The following LRBA variants were observed in gnomAD, a reference collection of about 807,000 sequenced individuals.
LRBA encodes lipopolysaccharide-responsive and beige-like anchor protein.
In LRBA, 176 loss-of-function variants were observed where a neutral mutation model predicts 330.0. The ratio of observed to expected loss-of-function variants is 0.53; its 90% CI spans 0.47 to 0.60. LRBA has a LOEUF of 0.60. LRBA is among the 20% of genes least tolerant of loss of function. The pLI is 0.00. For synonymous variants in LRBA, 1,230 were observed against 1,193.0 expected, an observed-to-expected ratio of 1.03 and a Z score of -0.64; for missense variants, 3,259 against 3,444.8, an observed-to-expected ratio of 0.95 and a Z score of 1.35.
chr4:150,784,277 C>T (rs766780094), intron 34 of LRBA, among the ~76,000 whole-genome samples: 4 of 152,132 alleles, frequency 2.6e-5, no homozygotes, highest in Admixed American at 2.6e-4. Flanking sequence ...AAGGGGTCCT[C>T]GGGAAGTTTT....
chr4:150,916,803 T>C (rs1295209681), intron 5 of LRBA, 65 bp from the exon 6 acceptor site: 16 of 1,308,082 alleles, frequency 1.2e-5, no homozygotes, highest in Non-Finnish European at 1.7e-5. Context: ...ATCATGAAAA[T>C]AAGACTTTGC....
chr4:150,940,239 TAAA>T (rs11455731), intron 2 of LRBA, among the ~76,000 whole-genome samples: 1 of 142,438 alleles, frequency 7.0e-6, no homozygotes, highest in Non-Finnish European at 1.5e-5. Flanking sequence ...CCTGGTCTCT[TAAA>T]AAAAAAAAAA....
At chr4:150,736,700 A>G (rs911675021) in intron 35 of LRBA, among the ~76,000 whole-genome samples, 1 of 152,144 alleles carries the variant, frequency 6.6e-6, no homozygotes, top group Non-Finnish European at 1.5e-5. Context: ...AATGGCCAAG[A>G]TTTTTCAAAA....
intron 50 of LRBA, among the ~76,000 whole-genome samples, chr4:150,318,400 G>A (rs1732010188): frequency 6.6e-6 from 1 of 152,046 alleles, no homozygotes; most frequent in Non-Finnish European, 1.5e-5. Flanking sequence ...TCTAATGAAT[G>A]AGCTATGGAA....
intron 34 of LRBA, among the ~76,000 whole-genome samples, chr4:150,779,216 CTTAGAGA>C (rs1737830051): frequency 6.6e-6 from 1 of 152,056 alleles, no homozygotes; most frequent in Non-Finnish European, 1.5e-5. Flanking sequence ...CAAAGTTATT[CTTAGAGA>C]CAAATGTTTG....
intron 9 of LRBA, among the ~76,000 whole-genome samples, chr4:150,911,238 G>C (rs1019167328): frequency 6.6e-6 from 1 of 152,124 alleles, no homozygotes; most frequent in African/African-American, 2.4e-5. Flanking sequence ...GAAATGGAAA[G>C]AATAAGCATC....
chr4:150,754,216 A>C (rs1733951455), intron 35 of LRBA, among the ~76,000 whole-genome samples: 1 of 145,730 alleles, frequency 6.9e-6, no homozygotes, highest in East Asian at 1.9e-4. Context: ...ATAAAAAATG[A>C]CCTGACCATG....
intron 48 of LRBA, among the ~76,000 whole-genome samples, chr4:150,328,835 A>G (rs978147400): frequency 6.6e-6 from 1 of 152,182 alleles, no homozygotes; most frequent in African/African-American, 2.4e-5. Flanking sequence ...GCCAACTATG[A>G]TAGAGAAGCT....
At chr4:150,637,655 G>A (rs1778056712) in intron 37 of LRBA, among the ~76,000 whole-genome samples, 1 of 152,152 alleles carries the variant, frequency 6.6e-6, no homozygotes, top group South Asian at 2.1e-4. Context: ...AGAACTCAGG[G>A]CCTTAGTCCA....
chr4:150,364,970 A>AAT (rs1554009448), intron 47 of LRBA, among the ~76,000 whole-genome samples: 1 of 151,858 alleles, frequency 6.6e-6, no homozygotes, highest in African/African-American at 2.4e-5. Flanking sequence ...TATATATCAT[A>AAT]ATATATATAC....
At chr4:150,509,280 T>C (rs904469127) in intron 40 of LRBA, among the ~76,000 whole-genome samples, 2 of 151,746 alleles carry the variant, frequency 1.3e-5, no homozygotes, top group Admixed American at 6.6e-5. Flanking sequence ...ATTTGAAAAT[T>C]AAATAGTACA....
At chr4:150,601,571 A>C (rs2126523763) in intron 37 of LRBA, among the ~76,000 whole-genome samples, 1 of 152,310 alleles carries the variant, frequency 6.6e-6, no homozygotes, top group Admixed American at 6.5e-5. Context: ...TGGCTAAAAC[A>C]AAAACACCAA....
At chr4:150,772,256 C>A (rs566831991) in intron 34 of LRBA, among the ~76,000 whole-genome samples, 3 of 152,296 alleles carry the variant, frequency 2.0e-5, no homozygotes, top group Admixed American at 1.3e-4. Context: ...GTGGTGCCTG[C>A]ATATTGTCAG....
intron 40 of LRBA, among the ~76,000 whole-genome samples, chr4:150,494,934 A>C (rs968313957): frequency 6.6e-6 from 1 of 150,838 alleles, no homozygotes; most frequent in East Asian, 1.9e-4. Flanking sequence ...TGGGAGGCGG[A>C]GCTTGCAGTG....
At position 150,844,081 on chromosome 4, in the gene LRBA, A is replaced by G; in HGVS notation, c.4569+19T>C. The G allele has an allele frequency of 7.0e-7, 1 of 1,423,208 alleles. No homozygotes were observed. The allele number at this position is 1,423,208 out of a possible 1,614,324, so 88.2% of individuals were successfully genotyped here. ...ATGCATCAGTTAAGAGAGTATGTGA[A>G]AGACATATTGTAACTTACTATGTCT... On this transcript the variant is annotated intron_variant, in intron 28 of 56. Transcript: ENST00000651943.
intron 2 of LRBA, among the ~76,000 whole-genome samples, chr4:150,954,817 CAAAAAA>C (rs34282784): frequency 6.6e-5 from 3 of 45,504 alleles, no homozygotes; most frequent in South Asian, 8.8e-4. Context: ...ACTCAGAAAT[CAAAAAA>C]AAAAAAAAAA....
chr4:150,572,232 C>G (rs1769964733), intron 40 of LRBA, among the ~76,000 whole-genome samples: 1 of 152,060 alleles, frequency 6.6e-6, no homozygotes, highest in Non-Finnish European at 1.5e-5. Context: ...CTATTTTATT[C>G]TGAAAAATAA....
chr4:150,592,426 A>G (rs1773002791), intron 38 of LRBA, among the ~76,000 whole-genome samples: 2 of 151,864 alleles, frequency 1.3e-5, no homozygotes, highest in South Asian at 4.2e-4. Flanking sequence ...TTTATATACA[A>G]TACTTATAGT....
At chr4:150,384,805 G>C (rs1415313964) in intron 47 of LRBA, among the ~76,000 whole-genome samples, 4 of 151,738 alleles carry the variant, frequency 2.6e-5, no homozygotes, top group African/African-American at 7.3e-5. Flanking sequence ...AGAGGAGGAA[G>C]GAGATAAGGG....
Sources: allele counts gnomAD v4.1 joint callset (sites outside exome capture counted in the v4.1 genomes callset), GRCh38; gene constraint gnomAD v4.1.1; transcripts MANE v1.5; gene names NCBI Gene and HGNC (gene_info 2026-07-23, HGNC 2026-07-21).